The following DPP6 variants were observed in gnomAD, a reference collection of about 807,000 sequenced individuals.
The protein encoded by DPP6 is A-type potassium channel modulatory protein DPP6.
Under a neutral mutation model 122.6 loss-of-function variants are expected in DPP6, and 69 were observed. The observed-to-expected ratio is 0.56, with a 90% CI of 0.46 to 0.69. DPP6 has a LOEUF of 0.69. Among genes scored for constraint, DPP6 ranks in the 30% least tolerant of loss-of-function variants. The probability of loss-of-function intolerance (pLI) is 0.00; values close to 1 mark genes in which losing one functional copy is unlikely to be tolerated. For synonymous variants in DPP6, 418 were observed against 433.1 expected (o/e 0.97, Z 0.43); for missense variants, 928 against 1,116.9 (o/e 0.83, Z 2.41).
intron 1 of DPP6, among the ~76,000 whole-genome samples, chr7:153,928,396 A>ATGTTTTTT (rs1275067491): frequency 2.3e-5 from 1 of 43,670 alleles, no homozygotes; most frequent in African/African-American, 7.9e-5. Flanking sequence ...CTTTTCTTTC[A>ATGTTTTTT]TTTTTTTTTT....
the DPP6 span, among the ~76,000 whole-genome samples, chr7:153,845,835 A>G: frequency 1.3e-5 from 2 of 151,908 alleles, no homozygotes; most frequent in African/African-American, 2.4e-5. Flanking sequence ...GACTATTTTA[A>G]CTCTAATCAT....
intron 1 of DPP6, among the ~76,000 whole-genome samples, chr7:153,957,293 GA>G (rs1400562075): frequency 3.3e-5 from 5 of 152,142 alleles, no homozygotes; most frequent in African/African-American, 1.2e-4. Context: ...CTTGCACTCC[GA>G]ACCCTCCCCG....
chr7:154,561,706 T>C (rs994010759), intron 4 of DPP6, among the ~76,000 whole-genome samples: 9 of 152,044 alleles, frequency 5.9e-5, no homozygotes, highest in African/African-American at 2.2e-4. Flanking sequence ...AGAAATCAAC[T>C]ACACAGAAAA....
rs1191424236 is a variant in DPP6, at chr7:154,601,783, C to A, written c.627+34867C>A. Reference sequence around the variant, plus strand: ...TAAATAAAGATTTATTGGAAAACATCCATGAGCATTTGTTAGGTATTGTCC... The same window carrying A: ...TAAATAAAGATTTATTGGAAAACATACATGAGCATTTGTTAGGTATTGTCC... On this transcript the variant is annotated intron_variant, in intron 5 of 25. Coordinates refer to ENST00000377770, the MANE Select transcript of DPP6 (RefSeq NM_130797.4). Among the ~76,000 whole-genome samples, 3 of 120,374 alleles carry A rather than the reference C, an allele frequency of 2.5e-5. 1 individual carries two copies. The highest frequency in any genetic ancestry group is 5.6e-5 in the Non-Finnish European group (3 of 53,536). The allele number at this position is 120,374 out of a possible 152,430, so 79.0% of individuals were successfully genotyped here. A position where few individuals can be genotyped will look rare whatever the true frequency, so the allele number is the denominator to read the frequency against.
intron 16 of DPP6, among the ~76,000 whole-genome samples, chr7:154,837,343 C>T (rs776863235): frequency 1.3e-5 from 2 of 148,954 alleles, no homozygotes; most frequent in Non-Finnish European, 2.9e-5. Flanking sequence ...ATAACATGCA[C>T]ACATGCACAC....
intron 1 of DPP6, among the ~76,000 whole-genome samples, chr7:153,923,071 A>G (rs79171745): frequency 0.012 from 1,782 of 152,330 alleles, 39 homozygotes; most frequent in African/African-American, 0.04. Context: ...TGGACCTTCA[A>G]TCCCCAGAAA....
chr7:154,658,561 C>G (rs1054805651), intron 6 of DPP6, among the ~76,000 whole-genome samples: 1 of 152,160 alleles, frequency 6.6e-6, no homozygotes, highest in African/African-American at 2.4e-5. Context: ...TGCAGGGAAG[C>G]AGGGACCCTG....
chr7:154,781,537 G>A (rs1797029140), intron 10 of DPP6, among the ~76,000 whole-genome samples: 1 of 152,168 alleles, frequency 6.6e-6, no homozygotes, highest in Non-Finnish European at 1.5e-5. Flanking sequence ...TTTCTGTGTT[G>A]TAGAAGGCAC....
chr7:154,612,590 C>T (rs1394253315), intron 5 of DPP6, among the ~76,000 whole-genome samples: 1 of 152,164 alleles, frequency 6.6e-6, no homozygotes, highest in Non-Finnish European at 1.5e-5. Context: ...TGGGCTATTA[C>T]AAAGGAAGCT....
the DPP6 span, among the ~76,000 whole-genome samples, chr7:153,875,605 T>C: frequency 6.6e-6 from 1 of 152,048 alleles, no homozygotes; most frequent in Non-Finnish European, 1.5e-5. Context: ...AATGCAACTA[T>C]CAACTAATTG....
In DPP6 at chr7:154,801,338, G is replaced by A. The variant is rs183713469; in HGVS notation, c.1300-17G>A. ...TGATGTTTTAGTTGTGGTTTCATCC[G>A]TGGCCTTTGTCCACAGAATGAAGAA... On this transcript the variant is annotated splice_polypyrimidine_tract_variant and intron_variant, in intron 12 of 25. Transcript: ENST00000377770. 430 of 1,568,698 alleles carry A rather than the reference G, an allele frequency of 2.7e-4. 1 individual carries two copies. The highest frequency in any genetic ancestry group is 7.0e-4 in the African/African-American group (52 of 74,112).
rs139423552 is a variant in DPP6 at position 154,428,600 on chromosome 7, A to C, written c.244-17614A>C. ...ACTGCAAAGATATGGAATCGACCTA[A>C]GTGTCCATCAACCAATGAGTGGATA... On this transcript the variant is annotated intron_variant, in intron 1 of 25. Coordinates refer to ENST00000377770, the MANE Select transcript of DPP6 (RefSeq NM_130797.4). Among the ~76,000 whole-genome samples the C allele has an allele frequency of 8.1e-3, 1,232 of 152,316 alleles. 17 individuals are homozygous for C. The highest frequency in any genetic ancestry group is 0.028 in the African/African-American group (1,150 of 41,568).
Position 154,668,333 on chromosome 7 carries a change from G to T in DPP6, c.681-1027G>T, listed in dbSNP as rs181343165. Among the ~76,000 whole-genome samples the T allele has an allele frequency of 6.0e-3, 898 of 149,242 alleles. 5 individuals carry two copies. Among genetic ancestry groups the T allele is most frequent in the South Asian group, 0.024 (111 of 4,606 alleles). On this transcript the variant is annotated intron_variant, in intron 6 of 25. Transcript: ENST00000377770. ...CCTCCCGGGTTCACGCCATTCTCCT[G>T]CCTCAGCCTCCCAAGTAGCTGGGAC...
At chr7:153,967,672 C>T (rs1795824450) in intron 1 of DPP6, among the ~76,000 whole-genome samples, 1 of 152,092 alleles carries the variant, frequency 6.6e-6, no homozygotes, top group Admixed American at 6.6e-5. Flanking sequence ...AGCTTGAGAG[C>T]TGCCTGTGAT....
chr7:153,908,235 T>G (rs1451738561), intron 1 of DPP6, among the ~76,000 whole-genome samples: 1 of 152,122 alleles, frequency 6.6e-6, no homozygotes, highest in Non-Finnish European at 1.5e-5. Context: ...TTTTGGAAGT[T>G]TCTAGTCTGT....
At chr7:154,001,540 T>C (rs1797690900) in intron 1 of DPP6, among the ~76,000 whole-genome samples, 1 of 151,634 alleles carries the variant, frequency 6.6e-6, no homozygotes, top group Non-Finnish European at 1.5e-5. Context: ...TCGGGCATGC[T>C]TGTTGGAACT....
intron 1 of DPP6, among the ~76,000 whole-genome samples, chr7:154,258,251 T>C (rs998202200): frequency 1.3e-5 from 2 of 152,192 alleles, no homozygotes; most frequent in Non-Finnish European, 2.9e-5. Flanking sequence ...ACATTCAGAT[T>C]GTGTTTTAGT....
At chr7:153,979,837 T>A (rs1796492653) in intron 1 of DPP6, among the ~76,000 whole-genome samples, 1 of 152,226 alleles carries the variant, frequency 6.6e-6, no homozygotes, top group Non-Finnish European at 1.5e-5. Flanking sequence ...GTTTATGTGA[T>A]GTATTATGTT....
chr7:154,022,282 A>G (rs1298532436), intron 1 of DPP6, among the ~76,000 whole-genome samples: 15 of 152,314 alleles, frequency 9.8e-5, no homozygotes, highest in Admixed American at 7.8e-4. Flanking sequence ...TCTTTGGAAA[A>G]ATATTTTGAA....
Sources: gnomAD v4.1 joint callset for allele counts (sites outside exome capture counted in the v4.1 genomes callset) on GRCh38, gnomAD v4.1.1 for gene constraint, MANE v1.5 for transcripts, NCBI Gene and HGNC (gene_info 2026-07-23, HGNC 2026-07-21) for gene names.